The following SERPINB13 variants were observed in gnomAD, a reference collection of about 807,000 sequenced individuals.
SERPINB13 encodes serpin B13.
In SERPINB13, 26 loss-of-function variants were observed where a neutral mutation model predicts 31.2. The observed-to-expected ratio is 0.83, with a 90% CI of 0.61 to 1.15. SERPINB13 has a LOEUF of 1.15. Ranked by LOEUF, SERPINB13 falls within the 50% of genes most tolerant of loss-of-function variation. SERPINB13 has a pLI of 0.00. For synonymous variants in SERPINB13, 191 were observed against 172.4 expected, an observed-to-expected ratio of 1.11 and a Z score of -0.85; for missense variants, 510 against 469.4, an observed-to-expected ratio of 1.09 and a Z score of -0.80.
Position 63,598,281 on chromosome 18 carries a change from T to A in SERPINB13, c.*918T>A, listed in dbSNP as rs1912305265. ...CATAACTGGCTTATTTTTAACAGCT[T>A]TGTCAAACTACAATTTACATGCCGT... On this transcript the variant is annotated 3_prime_UTR_variant, in exon 8 of 8. Transcript: ENST00000344731. The A allele has an allele frequency of 6.6e-6, 1 of 152,186 alleles. No homozygotes were observed. The highest frequency in any genetic ancestry group is 6.5e-5 in the Admixed American group (1 of 15,280). The allele number at this position is 152,186 out of a possible 1,614,324, so 9.4% of individuals were successfully genotyped here.
In SERPINB13 at chr18:63,598,896, AATCCTCACCAAC is replaced by A. The variant is rs1375820059; in HGVS notation, c.*1538_*1549del. 7.9e-5 allele frequency: 12 copies of A among 152,314 alleles called. No homozygotes were observed. The East Asian group carries it at 1.9e-3, about 24-fold the overall frequency. The allele number at this position is 152,314 out of a possible 1,614,324, so 9.4% of individuals were successfully genotyped here. Reference sequence around the variant, plus strand: ...GGAATGTTTAAAACTAGTGTCTTCAAATCCTCACCAACATCCAGGATTGTGTCTTTATGATTA... The same window carrying A: ...GGAATGTTTAAAACTAGTGTCTTCAAATCCAGGATTGTGTCTTTATGATTA... On this transcript the variant is annotated 3_prime_UTR_variant, in exon 8 of 8. Transcript: ENST00000344731.
rs1409188186 is a variant in SERPINB13, at chr18:63,588,783, G to A, written c.116G>A (p.Gly39Asp). 2 of 1,613,996 alleles carry A rather than the reference G, an allele frequency of 1.2e-6. No homozygotes were observed. The highest frequency in any genetic ancestry group is 1.1e-5 in the South Asian group (1 of 91,080). The change falls in exon 2 of 8, where the codon GGC becomes GAC. Residue 39 changes from glycine to aspartate, a missense_variant. Transcript: ENST00000344731. ...CCTGTGGGCATCTTGACTGCAATTG[G>A]CATGGTCCTCCTGGGGACCCGAGGA... ...FSPVGILTAIGMVLLGTRGAT... is the reference protein window; with the variant it reads ...FSPVGILTAIDMVLLGTRGAT...
chr18:63,595,268 C>A, intron 7 of SERPINB13, 84 bp downstream of exon 7: 2 of 1,385,906 alleles, frequency 1.4e-6, no homozygotes, highest in Non-Finnish European at 2.0e-6. Flanking sequence ...TGGTGGCCAG[C>A]AGTGTCAAAT....
At position 63,597,383 on chromosome 18, in the gene SERPINB13, T is replaced by C. The variant is rs1415370341; in HGVS notation, c.*20T>C. ...CCTTAAGATGATCGTTGCCATGGCA[T>C]TGCTGCTTTTAGCAAAAAACAACTA... On this transcript the variant is annotated 3_prime_UTR_variant, in exon 8 of 8. Transcript: ENST00000344731. 6.3e-7 allele frequency: 1 copy of C among 1,585,680 alleles called. No homozygotes were observed. Among genetic ancestry groups the C allele is most frequent in the African/African-American group, 1.3e-5 (1 of 74,340 alleles).
At chr18:63,589,808 G>A (rs1166124258) in intron 3 of SERPINB13, 93 bp downstream of exon 3, 2 of 1,594,404 alleles carry the variant, frequency 1.3e-6, no homozygotes, top group African/African-American at 1.4e-5. Context: ...CTGGGGAAAA[G>A]GACTGAGAAA....
intron 5 of SERPINB13, 133 bp downstream of exon 5, chr18:63,593,104 A>G (rs922045735): frequency 4.8e-6 from 3 of 618,988 alleles, no homozygotes; most frequent in Admixed American, 5.7e-5. Flanking sequence ...GCAGTGCACA[A>G]GCTTTGGGAA....
rs372688280 is a variant in SERPINB13 at position 63,594,351 on chromosome 18, G to A, written c.473-4G>A. 7 of 1,612,996 alleles carry A rather than the reference G, an allele frequency of 4.3e-6. No individual in the cohort carries two copies. In the South Asian group the frequency reaches 6.6e-5, roughly 15 times the overall value. On this transcript the variant is annotated splice_region_variant and splice_polypyrimidine_tract_variant and intron_variant, in intron 5 of 7. Transcript: ENST00000344731. Reference sequence around the variant, plus strand: ...TCAACCTTTTTCTGTTTCTTCATTTGCAGAAAAAATCAAGGACTTGTTCCC... The same window carrying A: ...TCAACCTTTTTCTGTTTCTTCATTTACAGAAAAAATCAAGGACTTGTTCCC...
At chr18:63,593,956 G>A in intron 5 of SERPINB13, 1 of 472,444 alleles carries the variant, frequency 2.1e-6, no homozygotes, top group South Asian at 1.6e-5. Context: ...TATTCTAATA[G>A]CTTTACATGT....
At chr18:63,594,912 C>T (rs1912072844) in intron 6 of SERPINB13, 117 bp from the exon 7 acceptor site, 1 of 943,350 alleles carries the variant, frequency 1.1e-6, no homozygotes, top group Non-Finnish European at 1.6e-6. Context: ...CATTCTGAGA[C>T]TCTGATATTG....
Position 63,598,521 on chromosome 18 carries a change from AT to A in SERPINB13, c.*1162del, listed in dbSNP as rs1439916981. 6.6e-6 allele frequency: 1 copy of A among 152,088 alleles called. No individual in the cohort carries two copies. Among genetic ancestry groups the A allele is most frequent in the Non-Finnish European group, 1.5e-5 (1 of 68,010 alleles). The allele number at this position is 152,088 out of a possible 1,614,324, so 9.4% of individuals were successfully genotyped here. A position where few individuals can be genotyped will look rare whatever the true frequency, so the allele number is the denominator to read the frequency against. ...TAAATGGAATCATAATACATGTAGT[AT>A]TTTGTGTCTGGCGTCTTGCACTTAG... On this transcript the variant is annotated 3_prime_UTR_variant, in exon 8 of 8. Transcript: ENST00000344731.
At chr18:63,591,737 T>C (rs1911866216) in intron 3 of SERPINB13, among the ~76,000 whole-genome samples, 1 of 151,940 alleles carries the variant, frequency 6.6e-6, no homozygotes, top group South Asian at 2.1e-4. Context: ...ATGTAATTAA[T>C]ATTTATTGTA....
At chr18:63,594,966 G>T in intron 6 of SERPINB13, 63 bp from the exon 7 acceptor site, 1 of 1,449,404 alleles carries the variant, frequency 6.9e-7, no homozygotes, top group Non-Finnish European at 9.3e-7. Flanking sequence ...GAACTAACTT[G>T]GTTGCCTTAA....
Position 63,597,664 on chromosome 18 carries a change from GAA to G in SERPINB13, c.*303_*304del. ...GTAGTTTTGTGCACACGAAAGGAGA[GAA>G]AGTCTCTCCAGTAAAGAGTACGAAC... On this transcript the variant is annotated 3_prime_UTR_variant, in exon 8 of 8. Transcript: ENST00000344731. 1 of 288,038 alleles carries G rather than the reference GAA, an allele frequency of 3.5e-6. No homozygotes were observed. The highest frequency in any genetic ancestry group is 6.5e-6 in the Non-Finnish European group (1 of 152,776). The allele number at this position is 288,038 out of a possible 1,614,324, so 17.8% of individuals were successfully genotyped here.
At chr18:63,589,042 T>C (rs998274456) in intron 2 of SERPINB13, among the ~76,000 whole-genome samples, 2 of 152,168 alleles carry the variant, frequency 1.3e-5, no homozygotes, top group African/African-American at 4.8e-5. Context: ...TCCCAGATGC[T>C]TGAAATTTTT....
intron 3 of SERPINB13, among the ~76,000 whole-genome samples, chr18:63,591,030 A>G (rs1911819037): frequency 6.6e-6 from 1 of 152,198 alleles, no homozygotes; most frequent in South Asian, 2.1e-4. Context: ...ATAAGGAAAA[A>G]TGCAATAAAC....
intron 3 of SERPINB13, among the ~76,000 whole-genome samples, chr18:63,590,928 T>C (rs1911813983): frequency 6.6e-6 from 1 of 152,234 alleles, no homozygotes; most frequent in African/African-American, 2.4e-5. Flanking sequence ...TGGCTTGGCA[T>C]GTACCCGTTT....
At chr18:63,587,541 G>T in intron 1 of SERPINB13, 91 bp downstream of exon 1, 1 of 437,208 alleles carries the variant, frequency 2.3e-6, no homozygotes, top group South Asian at 1.7e-5. Context: ...ATTTTGCATA[G>T]ACTTTCTGGA....
chr18:63,588,927 C>T (rs981685913), intron 2 of SERPINB13, 95 bp downstream of exon 2: 5 of 1,282,042 alleles, frequency 3.9e-6, no homozygotes, highest in Middle Eastern at 2.8e-4. Flanking sequence ...AAAATACGCT[C>T]TTCTTGACCT....
In SERPINB13 at chr18:63,589,996, A is replaced by G. The variant is rs8091179; in HGVS notation, c.225+281A>G. ...GGCTAATAGACAGAAAAGTTCCCAT[A>G]GCAGAGTGGATGGGTTTTGGAGTTA... On this transcript the variant is annotated intron_variant, in intron 3 of 7. Coordinates refer to ENST00000344731, the MANE Select transcript of SERPINB13 (RefSeq NM_012397.4). The G allele has an allele frequency of 1.5e-3, 609 of 417,744 alleles. 3 individuals carry two copies. The highest frequency in any genetic ancestry group is 0.011 in the African/African-American group (547 of 49,110). The allele number at this position is 417,744 out of a possible 1,614,324, so 25.9% of individuals were successfully genotyped here.
Sources: allele counts gnomAD v4.1 joint callset (sites outside exome capture counted in the v4.1 genomes callset), GRCh38; gene constraint gnomAD v4.1.1; transcripts MANE v1.5; gene names NCBI Gene and HGNC (gene_info 2026-07-23, HGNC 2026-07-21).